The following SEPTIN6 variants were observed in gnomAD, a reference collection of about 807,000 sequenced individuals.
SEPTIN6 encodes septin-6.
SEPTIN6 carries 8 observed loss-of-function variants against 33.6 expected under a neutral mutation model. The ratio of observed to expected loss-of-function variants is 0.24; its 90% CI spans 0.14 to 0.43. The LOEUF (loss-of-function observed/expected upper bound fraction) is 0.43. Among genes scored for constraint, SEPTIN6 ranks in the 20% least tolerant of loss-of-function variants. The pLI, the probability that SEPTIN6 is intolerant of heterozygous loss-of-function variation, is 1.00. For missense variants in SEPTIN6, 250 were observed against 340.8 expected (o/e 0.73, Z 2.10); for synonymous variants, 131 against 140.0 (o/e 0.94, Z 0.45).
intron 10 of SEPTIN6, 47 bp from the exon 11 acceptor site, chrX:119,620,098 T>A: frequency 1.1e-6 from 1 of 923,981 alleles, no homozygotes; most frequent in African/African-American, 4.1e-5. Context: ...TAGATTAATG[T>A]ACCAAAAAAA....
At chrX:119,633,623 C>T (rs1409342974) in intron 7 of SEPTIN6, 131 bp from the exon 8 acceptor site, 1 of 890,725 alleles carries the variant, frequency 1.1e-6, no homozygotes, top group Non-Finnish European at 1.5e-6. Flanking sequence ...AAAATAGAAC[C>T]ACAAAGCTGT....
chrX:119,617,878 G>A lies in SEPTIN6; in HGVS notation c.*2215C>T. On this transcript the variant is annotated 3_prime_UTR_variant, in exon 11 of 11. Coordinates refer to ENST00000394610, the MANE Select transcript of SEPTIN6 (RefSeq NM_145799.4). ...AGTTTCTGAAGGTCTCTCCAAGGCT[G>A]TGTGGGTCTAATACTTTTGAATTAT... 2.5e-6 allele frequency: 2 copies of A among 802,202 alleles called. No individual in the cohort carries two copies. The highest frequency in any genetic ancestry group is 3.0e-6 in the Non-Finnish European group (2 of 667,983). The allele number at this position is 802,202 out of a possible 1,213,427, so 66.1% of individuals were successfully genotyped here. A position where few individuals can be genotyped will look rare whatever the true frequency, so the allele number is the denominator to read the frequency against.
chrX:119,657,414 A>T (rs1485788653), intron 3 of SEPTIN6, among the ~76,000 whole-genome samples: 2 of 110,247 alleles, frequency 1.8e-5, no homozygotes, highest in Non-Finnish European at 3.8e-5. Context: ...TTCCTGTTCA[A>T]GCCCTCATCA....
rs986437097 is a variant in SEPTIN6, at chrX:119,618,339, A to G, written c.*1754T>C. The G allele has an allele frequency of 1.2e-6, 1 of 814,585 alleles. No homozygotes were observed. The highest frequency in any genetic ancestry group is 1.5e-6 in the Non-Finnish European group (1 of 678,155). 67.1% of individuals were successfully genotyped at this position (814,585 alleles called of 1,213,427 possible). A position where few individuals can be genotyped will look rare whatever the true frequency, so the allele number is the denominator to read the frequency against. Reference sequence around the variant, plus strand: ...AATCAATAGAGCACCAAACCTACACAGCAAACCTATATTCTTGCTTTGTCA... The same window carrying G: ...AATCAATAGAGCACCAAACCTACACGGCAAACCTATATTCTTGCTTTGTCA... On this transcript the variant is annotated 3_prime_UTR_variant, in exon 11 of 11. Coordinates refer to ENST00000394610, the MANE Select transcript of SEPTIN6 (RefSeq NM_145799.4).
Position 119,618,758 on chromosome X carries a change from A to C in SEPTIN6, c.*1335T>G, listed in dbSNP as rs202038874. The C allele has an allele frequency of 1.6e-3, 1,982 of 1,207,713 alleles. 1 individual carries two copies. The highest frequency in any genetic ancestry group is 3.0e-3 in the Middle Eastern group (13 of 4,343). On this transcript the variant is annotated 3_prime_UTR_variant, in exon 11 of 11. Transcript: ENST00000394610. ...GGAGTCCAGTCCAGCTGTAGCGGGG[A>C]ATACTATTCAGTACACAGCCATGGA...
At chrX:119,647,757 G>A (rs1213971353) in intron 5 of SEPTIN6, among the ~76,000 whole-genome samples, 4 of 108,305 alleles carry the variant, frequency 3.7e-5, no homozygotes, top group African/African-American at 1.0e-4. Flanking sequence ...GGGTTCAAGC[G>A]ATTCTCCTGC....
In SEPTIN6 at chrX:119,668,908, A is replaced by G. The variant is rs192049996; in HGVS notation, c.146-5231T>C. Among the ~76,000 whole-genome samples the G allele has an allele frequency of 1.1e-4, 12 of 111,215 alleles. No homozygotes were observed. In the East Asian group the frequency reaches 3.4e-3, roughly 31 times the overall value. On this transcript the variant is annotated intron_variant, in intron 2 of 10. Transcript: ENST00000394610. ...TCCTGAGCAGTATACACTGAACCCA[A>G]TTTGTAGTCTTTTATTCCTCACCCC...
chrX:119,688,204 C>T (rs2055092019), intron 1 of SEPTIN6, among the ~76,000 whole-genome samples: 1 of 111,910 alleles, frequency 8.9e-6, no homozygotes, highest in Non-Finnish European at 1.9e-5. Context: ...TATTTGAAGC[C>T]CTCAGGAAGC....
intron 1 of SEPTIN6, among the ~76,000 whole-genome samples, chrX:119,684,481 G>T (rs2055017285): frequency 1.1e-5 from 1 of 90,975 alleles, no homozygotes; most frequent in Non-Finnish European, 2.2e-5. Context: ...AGTTCCCAGA[G>T]GTTTTTTTTT....
At chrX:119,624,116 T>G (rs1569418919) in intron 10 of SEPTIN6, 5 of 288,137 alleles carry the variant, frequency 1.7e-5, no homozygotes, top group Non-Finnish European at 3.3e-5. Flanking sequence ...TTCTAAGATC[T>G]CTTCATTTTC....
intron 5 of SEPTIN6, among the ~76,000 whole-genome samples, chrX:119,647,832 T>C (rs939663971): frequency 2.8e-5 from 3 of 108,080 alleles, no homozygotes; most frequent in African/African-American, 1.0e-4. Flanking sequence ...TTTGTCTTTT[T>C]ACTAGAGACG....
intron 5 of SEPTIN6, chrX:119,646,741 C>T (rs777747607): frequency 3.5e-6 from 1 of 285,335 alleles, no homozygotes; most frequent in South Asian, 3.6e-5. Flanking sequence ...CAATCCAGCT[C>T]CTATGACAAT....
intron 7 of SEPTIN6, among the ~76,000 whole-genome samples, chrX:119,636,403 C>T (rs1042784014): frequency 8.1e-5 from 9 of 111,774 alleles, no homozygotes; most frequent in Non-Finnish European, 1.3e-4. Context: ...AAAAACATTC[C>T]CCTTCTCTAA....
chrX:119,637,824 T>G (rs2054095328), intron 6 of SEPTIN6, among the ~76,000 whole-genome samples: 1 of 112,210 alleles, frequency 8.9e-6, no homozygotes, highest in Non-Finnish European at 1.9e-5. Flanking sequence ...AATAGACAAA[T>G]ACAATTCAGT....
At chrX:119,616,733 T>C, downstream of SEPTIN6, 1 of 1,195,854 alleles carries the variant, frequency 8.4e-7, no homozygotes, top group Admixed American at 2.2e-5. Context: ...GAAGACAAGA[T>C]TAAAAAAAGC....
At chrX:119,627,400 TTATTGACCCACATGGTATC>T (rs1175325854) in intron 9 of SEPTIN6, among the ~76,000 whole-genome samples, 12 of 110,524 alleles carry the variant, frequency 1.1e-4, no homozygotes, top group African/African-American at 3.6e-4. Flanking sequence ...TGGGTGAGGA[TTATTGACCCACATGGTATC>T]CAGGAGCCAC....
rs1347083285 is a variant in SEPTIN6 at position 119,629,402 on chromosome X, C to T, written c.1196G>A (p.Arg399Lys). 4.1e-6 allele frequency: 5 copies of T among 1,210,162 alleles called. No individual in the cohort carries two copies. The highest frequency in any genetic ancestry group is 5.6e-6 in the Non-Finnish European group (5 of 895,194). ...LDDEVNAFKQ[R>K]KTAAELLQSQ... ...CTGGAGCAGCTCAGCCGCCGTCTTTCTTTGCTTGAAAGCATTCACTTCATC... is the reference window on the plus strand; with the variant it reads ...CTGGAGCAGCTCAGCCGCCGTCTTTTTTTGCTTGAAAGCATTCACTTCATC... The change falls in exon 9 of 11, where the codon AGA becomes AAA. Residue 399 changes from arginine to lysine, a missense_variant. This residue lies in a region of SEPTIN6 where 139 missense variants were observed against 227.0 expected (regional missense o/e 0.61). Coordinates refer to ENST00000394610, the MANE Select transcript of SEPTIN6 (RefSeq NM_145799.4).
chrX:119,662,060 C>A (rs192613113), intron 3 of SEPTIN6, among the ~76,000 whole-genome samples: 1 of 107,675 alleles, frequency 9.3e-6, no homozygotes, highest in Admixed American at 9.9e-5. Flanking sequence ...TCCTGTCCCC[C>A]CTCCTACCTG....
intron 4 of SEPTIN6, among the ~76,000 whole-genome samples, chrX:119,650,552 C>T (rs938757943): frequency 1.8e-5 from 2 of 111,576 alleles, no homozygotes; most frequent in African/African-American, 6.5e-5. Context: ...GCTTGGGAGA[C>T]TTGAAGCAGA....
Sources: gnomAD v4.1 joint callset for allele counts (sites outside exome capture counted in the v4.1 genomes callset) on GRCh38, gnomAD v4.1.1 for gene constraint, gnomAD v4.1.1 regional missense constraint, MANE v1.5 for transcripts, NCBI Gene and HGNC (gene_info 2026-07-23, HGNC 2026-07-21) for gene names.